Variants in DRD3 observed in about 807,000 individuals in gnomAD.
DRD3 encodes the protein dopamine receptor D3, also known as D(3) dopamine receptor.
Under a neutral mutation model 36.3 loss-of-function variants are expected in DRD3, and 19 were observed. The ratio of observed to expected loss-of-function variants is 0.52; its 90% CI spans 0.36 to 0.77. The LOEUF (loss-of-function observed/expected upper bound fraction) is 0.77. DRD3 is among the 30% of genes least tolerant of loss of function. DRD3 has a pLI of 0.00. For missense variants in DRD3, 465 were observed against 505.3 expected, an observed-to-expected ratio of 0.92 and a Z score of 0.77; for synonymous variants, 195 against 203.7, an observed-to-expected ratio of 0.96 and a Z score of 0.36.
At chr3:114,177,007 C>G (rs1189350839) in intron 1 of DRD3, among the ~76,000 whole-genome samples, 1 of 152,028 alleles carries the variant, frequency 6.6e-6, no homozygotes, top group East Asian at 1.9e-4. Flanking sequence ...TTGATTCAAC[C>G]CAAGATTTGT....
upstream of DRD3, among the ~76,000 whole-genome samples, chr3:114,180,883 T>C (rs2077943633): frequency 6.6e-6 from 1 of 152,082 alleles, no homozygotes; most frequent in African/African-American, 2.4e-5. Context: ...CAGGGAGTAA[T>C]GTCAGGCTGT....
rs2399499 is a variant in DRD3, at chr3:114,156,869, C to T, written c.383+2886G>A. ...CTTTTCTTTCTTTCTTCCTTTCTTT[C>T]TTTTTCTTTCTCTTTCTTTTCTTCT... is the stretch of plus-strand genomic sequence containing the variant. On this transcript the variant is annotated intron_variant, in intron 3 of 6. Coordinates refer to ENST00000383673, the MANE Select transcript of DRD3 (RefSeq NM_000796.6). Among the ~76,000 whole-genome samples, 49 of 6,458 alleles carry T rather than the reference C, an allele frequency of 7.6e-3. No homozygotes were observed. In the South Asian group the frequency reaches 0.11, roughly 14 times the overall value. 4.2% of individuals were successfully genotyped at this position (6,458 alleles called of 152,430 possible). A position where few individuals can be genotyped will look rare whatever the true frequency, so the allele number is the denominator to read the frequency against.
chr3:114,132,439 G>C (rs1251186503), intron 5 of DRD3, among the ~76,000 whole-genome samples: 7 of 152,036 alleles, frequency 4.6e-5, no homozygotes, highest in Admixed American at 4.6e-4. Flanking sequence ...AGAGCATTAG[G>C]ACAAATACCT....
intron 5 of DRD3, among the ~76,000 whole-genome samples, chr3:114,137,149 C>T (rs1432099562): frequency 6.6e-6 from 1 of 152,186 alleles, no homozygotes; most frequent in Non-Finnish European, 1.5e-5. Context: ...GGTAAGGTTT[C>T]ATTCTGGGGT....
intron 3 of DRD3, among the ~76,000 whole-genome samples, chr3:114,155,938 G>C (rs1292555503): frequency 6.6e-6 from 1 of 151,720 alleles, no homozygotes; most frequent in Middle Eastern, 3.2e-3. Flanking sequence ...TTCCCCTTCC[G>C]CCTCTTCTCC....
At chr3:114,188,740 T>A (rs955711489) in intron 1 of DRD3, among the ~76,000 whole-genome samples, 7 of 152,202 alleles carry the variant, frequency 4.6e-5, no homozygotes, top group Non-Finnish European at 1.0e-4. Context: ...TTGAATCAAT[T>A]AGCAGCAAAG....
chr3:114,180,557 C>T (rs147135781), upstream of DRD3, among the ~76,000 whole-genome samples: 1 of 152,072 alleles, frequency 6.6e-6, no homozygotes, highest in East Asian at 1.9e-4. Context: ...AACCTGCCAC[C>T]CTGTTGATTT....
At chr3:114,166,412 T>G (rs948579616) in intron 2 of DRD3, among the ~76,000 whole-genome samples, 5 of 152,100 alleles carry the variant, frequency 3.3e-5, no homozygotes, top group Non-Finnish European at 2.9e-5. Flanking sequence ...TAACGAGAGG[T>G]GATTATCCTT....
intron 1 of DRD3, among the ~76,000 whole-genome samples, chr3:114,184,675 G>C (rs1339826881): frequency 7.7e-6 from 1 of 129,724 alleles, no homozygotes. Flanking sequence ...TTCTTTTCCT[G>C]CTTCAGTCCC....
At chr3:114,129,361 C>CA (rs1180494298) in intron 6 of DRD3, among the ~76,000 whole-genome samples, 19 of 151,728 alleles carry the variant, frequency 1.3e-4, no homozygotes, top group African/African-American at 3.6e-4. Context: ...CAAAACAAAA[C>CA]AAAAAAAACC....
intron 3 of DRD3, among the ~76,000 whole-genome samples, chr3:114,152,123 A>T (rs1460397332): frequency 6.6e-6 from 1 of 152,136 alleles, no homozygotes; most frequent in Non-Finnish European, 1.5e-5. Context: ...TTGGTTACAT[A>T]AGTTCTTCGT....
intron 1 of DRD3, among the ~76,000 whole-genome samples, chr3:114,191,954 G>A (rs1223029677): frequency 6.6e-6 from 1 of 152,220 alleles, no homozygotes; most frequent in Non-Finnish European, 1.5e-5. Context: ...TTTATTTGGA[G>A]TTTGCTATAG....
At chr3:114,177,544 A>G (rs1228919330) in intron 1 of DRD3, among the ~76,000 whole-genome samples, 1 of 152,222 alleles carries the variant, frequency 6.6e-6, no homozygotes, top group East Asian at 1.9e-4. Flanking sequence ...AGCAAATATT[A>G]ATTGATGACA....
At chr3:114,171,610 C>G in intron 2 of DRD3, 113 bp downstream of exon 2, 1 of 1,341,580 alleles carries the variant, frequency 7.5e-7, no homozygotes, top group Non-Finnish European at 9.9e-7. Context: ...AGCTCTCCTT[C>G]CTTCCTCAGT....
At chr3:114,140,068 A>G (rs1025764008) in intron 4 of DRD3, among the ~76,000 whole-genome samples, 1 of 152,206 alleles carries the variant, frequency 6.6e-6, no homozygotes, top group Non-Finnish European at 1.5e-5. Flanking sequence ...TGGGGAGAGC[A>G]TTACAGGGCA....
intron 4 of DRD3, among the ~76,000 whole-genome samples, chr3:114,146,745 C>T (rs1012548495): frequency 1.3e-5 from 2 of 150,716 alleles, no homozygotes; most frequent in African/African-American, 4.9e-5. Flanking sequence ...ATTAGTGAGG[C>T]TAAAAGATGG....
At chr3:114,196,978 CT>C (rs1381278957) in intron 1 of DRD3, among the ~76,000 whole-genome samples, 6 of 146,686 alleles carry the variant, frequency 4.1e-5, no homozygotes, top group African/African-American at 7.4e-5. Flanking sequence ...TTATTTTTTT[CT>C]TTTTTTCTTT....
At chr3:114,169,419 C>T (rs914346708) in intron 2 of DRD3, among the ~76,000 whole-genome samples, 8 of 150,864 alleles carry the variant, frequency 5.3e-5, no homozygotes, top group Non-Finnish European at 8.9e-5. Flanking sequence ...GAGGAGACGT[C>T]TCTGCTCCCC....
At chr3:114,137,949 G>T (rs2077489097) in intron 5 of DRD3, among the ~76,000 whole-genome samples, 1 of 133,468 alleles carries the variant, frequency 7.5e-6, no homozygotes, top group Non-Finnish European at 1.5e-5. Flanking sequence ...AGTGAGCTGA[G>T]ATTGCGCCAC....
Sources: gnomAD v4.1 joint callset for allele counts (sites outside exome capture counted in the v4.1 genomes callset) on GRCh38, gnomAD v4.1.1 for gene constraint, MANE v1.5 for transcripts, NCBI Gene and HGNC (gene_info 2026-07-23, HGNC 2026-07-21) for gene names.